Variants in SIPA1L2 observed in about 807,000 individuals in gnomAD.
The protein encoded by SIPA1L2 is signal-induced proliferation-associated 1-like protein 2.
In SIPA1L2, 56 loss-of-function variants were observed where a neutral mutation model predicts 163.9. That is an observed-to-expected ratio of 0.34 (90% CI 0.28 to 0.43). SIPA1L2 has a LOEUF of 0.43. SIPA1L2 is among the 20% of genes least tolerant of loss of function. The pLI is 1.00. For synonymous variants in SIPA1L2, 877 were observed against 865.7 expected (o/e 1.01, Z -0.23); for missense variants, 1,974 against 2,193.5 (o/e 0.90, Z 2.00).
intron 1 of SIPA1L2, among the ~76,000 whole-genome samples, chr1:232,615,037 C>T (rs187747250): frequency 2.0e-5 from 3 of 152,314 alleles, no homozygotes; most frequent in Admixed American, 6.5e-5. Context: ...GTTCATAGTA[C>T]ACTGTGGATG....
intron 2 of SIPA1L2, among the ~76,000 whole-genome samples, chr1:232,517,869 C>G (rs769652869): frequency 2.2e-4 from 34 of 151,708 alleles, no homozygotes; most frequent in Non-Finnish European, 4.3e-4. Context: ...AGCAAGAGCC[C>G]GTCTCTACAA....
intron 17 of SIPA1L2, among the ~76,000 whole-genome samples, chr1:232,426,318 A>G (rs75232245): frequency 0.014 from 2,159 of 152,324 alleles, 60 homozygotes; most frequent in African/African-American, 0.049. Flanking sequence ...ACATAAACAC[A>G]TTTCCAAAAA....
At chr1:232,562,967 C>T (rs1659133085) in intron 2 of SIPA1L2, among the ~76,000 whole-genome samples, 1 of 152,200 alleles carries the variant, frequency 6.6e-6, no homozygotes, top group African/African-American at 2.4e-5. Flanking sequence ...AGACATCTGG[C>T]ATCACCTGTT....
chr1:232,571,910 C>T (rs1187730330), intron 2 of SIPA1L2, among the ~76,000 whole-genome samples: 1 of 152,202 alleles, frequency 6.6e-6, no homozygotes, highest in Non-Finnish European at 1.5e-5. Context: ...GTGAATTAAA[C>T]CCCTTTTCTT....
intron 2 of SIPA1L2, among the ~76,000 whole-genome samples, chr1:232,550,142 T>C (rs958865138): frequency 1.3e-5 from 2 of 152,238 alleles, no homozygotes; most frequent in African/African-American, 4.8e-5. Flanking sequence ...TTATTAACAA[T>C]GCTACTTCAT....
intron 19 of SIPA1L2, among the ~76,000 whole-genome samples, chr1:232,406,937 A>T (rs1416214258): frequency 6.6e-6 from 1 of 152,240 alleles, no homozygotes; most frequent in Admixed American, 6.5e-5. Flanking sequence ...GTAGAAAATT[A>T]AAAGTTTTGA....
chr1:232,579,868 G>T (rs1361440479), intron 1 of SIPA1L2, among the ~76,000 whole-genome samples: 8 of 152,164 alleles, frequency 5.3e-5, no homozygotes, highest in Non-Finnish European at 1.2e-4. Flanking sequence ...TTTTTCTGAG[G>T]TTACAGAAAG....
intron 10 of SIPA1L2, among the ~76,000 whole-genome samples, chr1:232,460,035 A>G (rs191791649): frequency 2.0e-5 from 3 of 152,264 alleles, no homozygotes; most frequent in Admixed American, 2.0e-4. Flanking sequence ...GTCTCTCAAA[A>G]GCCAGAGCTC....
At chr1:232,576,795 C>T (rs997433245) in intron 1 of SIPA1L2, among the ~76,000 whole-genome samples, 3 of 152,050 alleles carry the variant, frequency 2.0e-5, no homozygotes, top group African/African-American at 7.2e-5. Flanking sequence ...GTTGCTGATA[C>T]GGGGAAAGTT....
intron 2 of SIPA1L2, among the ~76,000 whole-genome samples, chr1:232,555,286 G>A (rs1658637208): frequency 6.6e-6 from 1 of 152,192 alleles, no homozygotes; most frequent in South Asian, 2.1e-4. Flanking sequence ...GAGTGGGAGA[G>A]CAGGTATTTG....
chr1:232,513,861 C>A lies in SIPA1L2; in HGVS notation c.1479G>T (p.Gly493=). Residue 493 remains glycine (G), a synonymous_variant, in exon 3 of 23, where the codon GGG becomes GGT. Coordinates refer to ENST00000674635, the MANE Select transcript of SIPA1L2 (RefSeq NM_020808.5). ...GAYYYRKFFY[G]KEHQNYFGID... Reference sequence around the variant, plus strand: ...ACGCCCATGGCTCTTCCTTACCTTTCCCATAGAAGAATTTGCGGTAATAAT... The same window carrying A: ...ACGCCCATGGCTCTTCCTTACCTTTACCATAGAAGAATTTGCGGTAATAAT... 1.3e-6 allele frequency: 2 copies of A among 1,563,600 alleles called. No homozygotes were observed. Among genetic ancestry groups the A allele is most frequent in the Non-Finnish European group, 1.7e-6 (2 of 1,158,782 alleles).
At chr1:232,605,989 CAT>C (rs71753614) in intron 1 of SIPA1L2, among the ~76,000 whole-genome samples, 2,010 of 152,272 alleles carry the variant, frequency 0.013, 35 homozygotes, top group African/African-American at 0.036. Flanking sequence ...GTCTCAGACA[CAT>C]GATGCTACTG....
At position 232,515,548 on chromosome 1, in the gene SIPA1L2, C is replaced by T. The variant is rs1667183491; in HGVS notation, c.-209G>A. ...TCTGTTGTCGTAATAATGTTGTACG[C>T]CTCTGTTCTTTTCAAAAGCATTCCT... On this transcript the variant is annotated 5_prime_UTR_variant, in exon 3 of 23. Coordinates refer to ENST00000674635, the MANE Select transcript of SIPA1L2 (RefSeq NM_020808.5). The T allele has an allele frequency of 3.9e-6, 2 of 509,694 alleles. No homozygotes were observed. The highest frequency in any genetic ancestry group is 7.5e-5 in the Admixed American group (2 of 26,736). The allele number at this position is 509,694 out of a possible 1,614,324, so 31.6% of individuals were successfully genotyped here. A position where few individuals can be genotyped will look rare whatever the true frequency, so the allele number is the denominator to read the frequency against.
At position 232,514,207 on chromosome 1, in the gene SIPA1L2, T is replaced by G. The variant is rs1425908610; in HGVS notation, c.1133A>C (p.Glu378Ala). Residue 378 changes from glutamate to alanine, a missense_variant, in exon 3 of 23, where the codon GAG (glutamate) becomes GCG (alanine). Glu to Ala is a moderately radical substitution (Grantham distance 107). Around this residue, in one of 3 missense-constraint regions of SIPA1L2, gnomAD observed 607 missense variants for 624.0 expected, o/e 0.97. Transcript: ENST00000674635. ...QMPTGQTGNC[E>A]SPLGSKEDLN... ...GTCCTCCTTGCTCCCTAAAGGGGAC[T>G]CACAGTTGCCTGTCTGGCCCGTAGG... The G allele has an allele frequency of 6.2e-7, 1 of 1,614,242 alleles. No homozygotes were observed. The highest frequency in any genetic ancestry group is 8.5e-7 in the Non-Finnish European group (1 of 1,180,040).
rs756769425 is a variant in SIPA1L2, at chr1:232,483,978, G to A, written c.1807-12C>T. On this transcript the variant is annotated splice_polypyrimidine_tract_variant and intron_variant, in intron 5 of 22. Coordinates refer to ENST00000674635, the MANE Select transcript of SIPA1L2 (RefSeq NM_020808.5). ...TGCTGAAAGCTCAGCTGAAATGGGG[G>A]AGAAATATAATTACTTGGCAAAGCA... The A allele has an allele frequency of 1.4e-5, 22 of 1,599,126 alleles. No homozygotes were observed. The highest frequency in any genetic ancestry group is 1.8e-5 in the Non-Finnish European group (21 of 1,175,834).
intron 2 of SIPA1L2, among the ~76,000 whole-genome samples, chr1:232,553,724 T>G (rs1658539362): frequency 6.6e-6 from 1 of 152,196 alleles, no homozygotes; most frequent in South Asian, 2.1e-4. Flanking sequence ...CATGTCTAAA[T>G]CCTCTTCTAC....
chr1:232,590,389 ATAAAT>A (rs1191853513), intron 1 of SIPA1L2, among the ~76,000 whole-genome samples: 3 of 152,254 alleles, frequency 2.0e-5, no homozygotes, highest in Non-Finnish European at 4.4e-5. Context: ...AAGAAAGTAA[ATAAAT>A]TAAACCAAAC....
chr1:232,510,156 T>C (rs971669334), intron 3 of SIPA1L2, among the ~76,000 whole-genome samples: 4 of 152,132 alleles, frequency 2.6e-5, no homozygotes, highest in East Asian at 1.9e-4. Context: ...GCACTTGATA[T>C]TGGCAGTGCA....
At chr1:232,579,914 G>A (rs192741606) in intron 1 of SIPA1L2, among the ~76,000 whole-genome samples, 5 of 152,250 alleles carry the variant, frequency 3.3e-5, no homozygotes, top group East Asian at 1.9e-4. Flanking sequence ...AAGGGATCCC[G>A]ATCCAGACCC....
Sources: gnomAD v4.1 joint callset for allele counts (sites outside exome capture counted in the v4.1 genomes callset) on GRCh38, gnomAD v4.1.1 for gene constraint, gnomAD v4.1.1 regional missense constraint, MANE v1.5 for transcripts, NCBI Gene and HGNC (gene_info 2026-07-23, HGNC 2026-07-21) for gene names.